The following CPNE1 variants were observed in gnomAD, a reference collection of about 807,000 sequenced individuals.
CPNE1 encodes copine-1.
In CPNE1, 58 loss-of-function variants were observed where a neutral mutation model predicts 63.2. The observed-to-expected ratio is 0.92, with a 90% CI of 0.74 to 1.14. The LOEUF (loss-of-function observed/expected upper bound fraction) is 1.14, where lower values mean the gene tolerates loss of function less well. Ranked by LOEUF, CPNE1 falls within the 50% of genes most tolerant of loss-of-function variation. The pLI is 0.00. For missense variants in CPNE1, 672 were observed against 661.7 expected, an observed-to-expected ratio of 1.02 and a Z score of -0.17; for synonymous variants, 237 against 249.0, an observed-to-expected ratio of 0.95 and a Z score of 0.45.
intron 12 of CPNE1, 31 bp downstream of exon 12, chr20:35,630,710 A>G: frequency 6.2e-7 from 1 of 1,612,170 alleles, no homozygotes; most frequent in Non-Finnish European, 8.5e-7. Context: ...TGAAACTGAA[A>G]ACAGGAGTGG....
intron 1 of CPNE1, chr20:35,655,344 C>T: frequency 6.3e-7 from 1 of 1,586,902 alleles, no homozygotes. Context: ...ACCACACACA[C>T]CTGCAGATGA....
Position 35,626,364 on chromosome 20 carries a change from C to T in CPNE1, c.1491G>A (p.Leu497=), listed in dbSNP as rs764409918. ...RRFQNAPREA[L]AQTVLAEVPT... The stretch of plus-strand genomic sequence containing the variant: ...GCACTTCTGCGAGCACGGTCTGTGC[C>T]AATGCCTCCCGAGGGGCCTGCCAAG... The change falls in exon 16 of 16, where the codon TTG becomes TTA. Residue 497 remains leucine (L), a synonymous_variant. Transcript: ENST00000397443. The T allele has an allele frequency of 1.7e-5, 27 of 1,613,978 alleles. No individual in the cohort carries two copies. The highest frequency in any genetic ancestry group is 2.3e-5 in the Non-Finnish European group (27 of 1,180,008).
intron 15 of CPNE1, 40 bp from the exon 16 acceptor site, chr20:35,626,421 G>A: frequency 6.2e-7 from 1 of 1,610,340 alleles, no homozygotes; most frequent in Non-Finnish European, 8.5e-7. Flanking sequence ...GCCCAGAACA[G>A]CTGCCCAAAG....
At chr20:35,650,342 T>C (rs1276048910) in intron 1 of CPNE1, 1 of 152,338 alleles carries the variant, frequency 6.6e-6, no homozygotes, top group Non-Finnish European at 1.5e-5. Context: ...GTATGAAATA[T>C]TTAATAAGAA....
intron 12 of CPNE1, 47 bp downstream of exon 12, chr20:35,630,693 AG>A: frequency 6.2e-7 from 1 of 1,601,012 alleles, no homozygotes; most frequent in African/African-American, 1.3e-5. Context: ...CCCCAAAATC[AG>A]GACCCTGAAA....
chr20:35,663,645 G>A (rs1360648498), intron 1 of CPNE1, among the ~76,000 whole-genome samples: 1 of 152,184 alleles, frequency 6.6e-6, no homozygotes, highest in African/African-American at 2.4e-5. Flanking sequence ...TTCTCAGCAT[G>A]ACACCACGCA....
intron 1 of CPNE1, chr20:35,659,158 A>C (rs923977132): frequency 4.1e-5 from 19 of 463,686 alleles, no homozygotes; most frequent in Admixed American, 2.0e-4. Flanking sequence ...AAAAAAAAGA[A>C]AGACACCGTA....
rs1311123038 is a variant in CPNE1 at position 35,632,020 on chromosome 20, G to C, written c.462C>G (p.Phe154Leu). ...CCAGAAATGGATCTGATTTTCCCAGGAAGTCCTGCCAATGCGAGACCCCAG... is the reference window on the plus strand; with the variant it reads ...CCAGAAATGGATCTGATTTTCCCAGCAAGTCCTGCCAATGCGAGACCCCAG... ...VEARNLDKKD[F>L]LGKSDPFLEF... The change falls in exon 6 of 16, where the codon TTC (phenylalanine) becomes TTG (leucine). Residue 154 changes from phenylalanine to leucine, a missense_variant. Phe to Leu is a conservative substitution (Grantham distance 22). Coordinates refer to ENST00000397443, the MANE Select transcript of CPNE1 (RefSeq NM_152925.3). The C allele has an allele frequency of 1.9e-6, 3 of 1,613,880 alleles. No homozygotes were observed. In the Admixed American group the frequency reaches 5.0e-5, roughly 27 times the overall value.
chr20:35,626,698 C>A lies in CPNE1; in HGVS notation c.1342G>T (p.Val448Leu). 6.2e-7 allele frequency: 1 copy of A among 1,614,198 alleles called. No homozygotes were observed. The highest frequency in any genetic ancestry group is 8.5e-7 in the Non-Finnish European group (1 of 1,180,050). The change falls in exon 15 of 16, where the codon GTG (valine) becomes TTG (leucine). Residue 448 changes from valine (V) to leucine (L), a missense_variant. Transcript: ENST00000397443. ...TCAAAGTCAGCACCACCCACACCCA[C>A]AATGATCACTGACATGGGCAGGTTC... ...ASNLPMSVII[V>L]GVGGADFEAM...
intron 13 of CPNE1, 32 bp downstream of exon 13, chr20:35,630,407 A>T: frequency 6.2e-7 from 1 of 1,602,888 alleles, no homozygotes; most frequent in East Asian, 2.2e-5. Context: ...TTGTGTGGAC[A>T]GACCTGCCTC....
chr20:35,643,291 A>T (rs1316074354), intron 1 of CPNE1: 2 of 154,396 alleles, frequency 1.3e-5, no homozygotes, highest in African/African-American at 2.4e-5. Context: ...GAAGACGACC[A>T]TCCCTGAGAG....
At chr20:35,652,206 A>G (rs2033570961) in intron 1 of CPNE1, 2 of 205,942 alleles carry the variant, frequency 9.7e-6, no homozygotes, top group Non-Finnish European at 2.0e-5. Flanking sequence ...TCTTCATCCC[A>G]TATGGTATAA....
At chr20:35,646,457 A>T (rs1272170405) in intron 1 of CPNE1, among the ~76,000 whole-genome samples, 1 of 147,802 alleles carries the variant, frequency 6.8e-6, no homozygotes, top group Non-Finnish European at 1.5e-5. Context: ...TCCTGGGCTC[A>T]AGCGATCCTC....
chr20:35,644,561 C>A (rs553015666), intron 1 of CPNE1, among the ~76,000 whole-genome samples: 1 of 152,316 alleles, frequency 6.6e-6, no homozygotes, highest in African/African-American at 2.4e-5. Flanking sequence ...TAATCCCATA[C>A]TGTAAAAGAA....
chr20:35,629,397 G>T (rs1440025568), intron 13 of CPNE1, among the ~76,000 whole-genome samples: 1 of 152,190 alleles, frequency 6.6e-6, no homozygotes, highest in Non-Finnish European at 1.5e-5. Flanking sequence ...AAACAAAAGG[G>T]CTTGGTGGAC....
chr20:35,638,319 T>G (rs1168417753), intron 1 of CPNE1, among the ~76,000 whole-genome samples: 3 of 152,214 alleles, frequency 2.0e-5, no homozygotes, highest in Non-Finnish European at 4.4e-5. Flanking sequence ...CAACTCAATA[T>G]TAAATGATAG....
chr20:35,626,257 T>C lies in CPNE1; in HGVS notation c.1598A>G (p.Gln533Arg). Residue 533 changes from glutamine (Q) to arginine (R), a missense_variant, in exon 16 of 16, where the codon CAG becomes CGG. By Grantham distance (43) the Gln-to-Arg change is conservative. Coordinates refer to ENST00000397443, the MANE Select transcript of CPNE1 (RefSeq NM_152925.3). Reference protein sequence around the residue: ...PLPPSAKDPAQAPQA With the variant: ...PLPPSAKDPARAPQA ...CAAGGGAACCTAGGCCTGGGGGGCC[T>C]GTGCAGGATCCTTGGCTGAGGGTGG... 6.2e-7 allele frequency: 1 copy of C among 1,614,128 alleles called. No homozygotes were observed. Among genetic ancestry groups the C allele is most frequent in the Non-Finnish European group, 8.5e-7 (1 of 1,180,014 alleles).
intron 1 of CPNE1, among the ~76,000 whole-genome samples, chr20:35,661,112 C>T (rs2034209155): frequency 6.6e-6 from 1 of 152,138 alleles, no homozygotes; most frequent in Non-Finnish European, 1.5e-5. Context: ...AAGAGGAATA[C>T]CCACCCCACC....
intron 6 of CPNE1, 67 bp from the exon 7 acceptor site, chr20:35,631,844 C>G: frequency 6.5e-7 from 1 of 1,545,030 alleles, no homozygotes; most frequent in Non-Finnish European, 8.9e-7. Context: ...CCACACTTCT[C>G]TACCCACCTG....
Sources: allele counts gnomAD v4.1 joint callset (sites outside exome capture counted in the v4.1 genomes callset), GRCh38; gene constraint gnomAD v4.1.1; transcripts MANE v1.5; gene names NCBI Gene and HGNC (gene_info 2026-07-23, HGNC 2026-07-21).